SLC26A7: variants seen among roughly 807,000 people sequenced by gnomAD.
SLC26A7 encodes solute carrier family 26 member 7.
SLC26A7 carries 59 observed loss-of-function variants against 82.5 expected under a neutral mutation model. That is an observed-to-expected ratio of 0.72 (90% CI 0.58 to 0.89). The LOEUF (loss-of-function observed/expected upper bound fraction) is 0.89, where lower values mean the gene tolerates loss of function less well. Among genes scored for constraint, SLC26A7 ranks in the 40% least tolerant of loss-of-function variants. The pLI, the probability that SLC26A7 is intolerant of heterozygous loss-of-function variation, is 0.00. For missense variants in SLC26A7, 820 were observed against 793.0 expected (o/e 1.03, Z -0.41); for synonymous variants, 271 against 274.3 (o/e 0.99, Z 0.12).
chr8:91,369,584 G>T (rs1317325827), intron 14 of SLC26A7, among the ~76,000 whole-genome samples: 1 of 152,016 alleles, frequency 6.6e-6, no homozygotes, highest in African/African-American at 2.4e-5. Context: ...ATTATTTAAT[G>T]AATTGCTGTA....
intron 2 of SLC26A7, among the ~76,000 whole-genome samples, chr8:91,231,842 C>G (rs906874444): frequency 4.6e-5 from 7 of 151,932 alleles, no homozygotes; most frequent in Admixed American, 1.3e-4. Flanking sequence ...TGTTTTGTTT[C>G]TTTACCACGG....
intron 9 of SLC26A7, among the ~76,000 whole-genome samples, chr8:91,344,888 A>G (rs545581680): frequency 6.6e-6 from 1 of 151,642 alleles, no homozygotes; most frequent in South Asian, 2.1e-4. Context: ...ATTATTCCCT[A>G]CTCTGATGAC....
At chr8:91,317,076 C>G (rs915187578) in intron 4 of SLC26A7, among the ~76,000 whole-genome samples, 1 of 139,214 alleles carries the variant, frequency 7.2e-6, no homozygotes, top group Non-Finnish European at 1.5e-5. Flanking sequence ...GGGAGGATCA[C>G]TTGAGCCTGG....
intron 2 of SLC26A7, among the ~76,000 whole-genome samples, chr8:91,263,549 T>C (rs1811026829): frequency 6.6e-6 from 1 of 152,078 alleles, no homozygotes; most frequent in Non-Finnish European, 1.5e-5. Flanking sequence ...CCTATACAAA[T>C]GCTGACATTT....
intron 2 of SLC26A7, among the ~76,000 whole-genome samples, chr8:91,258,690 A>C (rs1325982833): frequency 6.6e-6 from 1 of 152,112 alleles, no homozygotes; most frequent in Admixed American, 6.6e-5. Flanking sequence ...ATCTGTATTT[A>C]ACAGATGAAG....
chr8:91,328,229 C>T (rs183349447), intron 5 of SLC26A7, among the ~76,000 whole-genome samples: 37 of 152,098 alleles, frequency 2.4e-4, no homozygotes, highest in Admixed American at 9.8e-4. Context: ...TAGAAATTCA[C>T]GGCAGTTGTG....
chr8:91,239,312 G>C (rs1223242902), intron 2 of SLC26A7, among the ~76,000 whole-genome samples: 2 of 147,890 alleles, frequency 1.4e-5, no homozygotes, highest in African/African-American at 5.0e-5. Flanking sequence ...GGAGCTCACA[G>C]TGAGCCGAGA....
chr8:91,348,523 ACT>A (rs1813627564), intron 9 of SLC26A7: 2 of 263,274 alleles, frequency 7.6e-6, no homozygotes, highest in African/African-American at 4.6e-5. Context: ...TGCAGAATTA[ACT>A]CTTAAATATC....
At chr8:91,223,410 T>C (rs1407999773) in intron 2 of SLC26A7, among the ~76,000 whole-genome samples, 1 of 152,200 alleles carries the variant, frequency 6.6e-6, no homozygotes, top group Non-Finnish European at 1.5e-5. Flanking sequence ...CTAGCTCTTT[T>C]ACTTGTGATG....
intron 2 of SLC26A7, among the ~76,000 whole-genome samples, chr8:91,282,341 T>C (rs949465176): frequency 2.0e-5 from 3 of 152,098 alleles, no homozygotes; most frequent in African/African-American, 7.2e-5. Context: ...GCAGTTCTTC[T>C]CTAGAGCCAC....
chr8:91,349,014 G>T (rs1813642677), intron 9 of SLC26A7, among the ~76,000 whole-genome samples: 1 of 152,134 alleles, frequency 6.6e-6, no homozygotes, highest in South Asian at 2.1e-4. Flanking sequence ...TAATCTCAAA[G>T]ATTTTTTACG....
rs1368061045 is a variant in SLC26A7, at chr8:91,289,178, G to A, written c.236G>A (p.Gly79Asp). The change falls in exon 3 of 19, where the codon GGT becomes GAT. Residue 79 changes from glycine to aspartate, a missense_variant. By Grantham distance (94) the Gly-to-Asp change is moderately conservative. Coordinates refer to ENST00000276609, the MANE Select transcript of SLC26A7 (RefSeq NM_052832.4). ...AVLSSVHPVFGLYGSLFPAII... is the reference protein window; with the variant it reads ...AVLSSVHPVFDLYGSLFPAII... ...CTCTCATCTGTGCACCCAGTGTTTG[G>A]TTTATATGGGTCTCTGTTTCCTGCC... 3.1e-6 allele frequency: 5 copies of A among 1,613,838 alleles called. No individual in the cohort carries two copies. The highest frequency in any genetic ancestry group is 1.3e-5 in the African/African-American group (1 of 74,884).
chr8:91,364,546 T>C (rs1456291070), intron 13 of SLC26A7, among the ~76,000 whole-genome samples: 2 of 152,174 alleles, frequency 1.3e-5, no homozygotes, highest in East Asian at 1.9e-4. Context: ...CCTTATTTTT[T>C]CCATGGGAAT....
In SLC26A7 at chr8:91,255,982, T is replaced by C. The variant is rs560121797; in HGVS notation, c.193+6138T>C. Reference sequence around the variant, plus strand: ...CTCTTTTCAGTAACTGTATCTCAGATTAGTTTGGGTGAATAACCCCTGTTC... The same window carrying C: ...CTCTTTTCAGTAACTGTATCTCAGACTAGTTTGGGTGAATAACCCCTGTTC... On this transcript the variant is annotated intron_variant, in intron 2 of 18. Transcript: ENST00000276609. 4.3e-4 allele frequency among the ~76,000 whole-genome samples: 66 copies of C among 152,246 alleles called. 1 individual carries two copies. The highest frequency in any genetic ancestry group is 7.4e-4 in the Non-Finnish European group (50 of 68,004).
At chr8:91,312,456 G>A (rs902129514) in intron 4 of SLC26A7, among the ~76,000 whole-genome samples, 3 of 151,962 alleles carry the variant, frequency 2.0e-5, no homozygotes, top group African/African-American at 4.8e-5. Flanking sequence ...ATGTTTATTT[G>A]CATGTATACC....
chr8:91,283,784 G>A (rs1811636408), intron 2 of SLC26A7, among the ~76,000 whole-genome samples: 1 of 152,104 alleles, frequency 6.6e-6, no homozygotes, highest in East Asian at 1.9e-4. Context: ...TTTTGTCATT[G>A]GCTTGCTTTT....
intron 4 of SLC26A7, among the ~76,000 whole-genome samples, chr8:91,312,737 C>G (rs188916405): frequency 6.6e-6 from 1 of 151,832 alleles, no homozygotes; most frequent in East Asian, 1.9e-4. Context: ...TTTGCATTTT[C>G]TTAATGATAA....
intron 8 of SLC26A7, among the ~76,000 whole-genome samples, chr8:91,342,335 A>G (rs534844768): frequency 2.0e-5 from 3 of 152,136 alleles, no homozygotes; most frequent in Non-Finnish European, 4.4e-5. Flanking sequence ...TTCTGTATTT[A>G]TCTTGTTTAT....
chr8:91,327,931 G>A (rs997477217), intron 5 of SLC26A7, among the ~76,000 whole-genome samples: 1 of 151,932 alleles, frequency 6.6e-6, no homozygotes, highest in East Asian at 1.9e-4. Context: ...TACTAGTGAA[G>A]AATTATTATC....
Sources: allele counts gnomAD v4.1 joint callset (sites outside exome capture counted in the v4.1 genomes callset), GRCh38; gene constraint gnomAD v4.1.1; transcripts MANE v1.5; gene names NCBI Gene and HGNC (gene_info 2026-07-23, HGNC 2026-07-21).